The following GLDC variants were observed in gnomAD, a reference collection of about 807,000 sequenced individuals.
GLDC encodes glycine dehydrogenase (decarboxylating), mitochondrial.
Under a neutral mutation model 121.3 loss-of-function variants are expected in GLDC, and 104 were observed. That is an observed-to-expected ratio of 0.86 (90% confidence interval 0.73 to 1.01). The LOEUF is 1.01. GLDC is among the 50% of genes least tolerant of loss of function. The probability of loss-of-function intolerance (pLI) is 0.00; values close to 1 mark genes in which losing one functional copy is unlikely to be tolerated. For missense variants in GLDC, 1,429 were observed against 1,306.6 expected, an observed-to-expected ratio of 1.09 and a Z score of -1.44; for synonymous variants, 546 against 480.6, an observed-to-expected ratio of 1.14 and a Z score of -1.78.
intron 15 of GLDC, among the ~76,000 whole-genome samples, chr9:6,577,125 C>G (rs1818079890): frequency 6.6e-6 from 1 of 152,196 alleles, no homozygotes; most frequent in African/African-American, 2.4e-5. Flanking sequence ...GAGAAGACAG[C>G]GCGGAAAGGC....
intron 2 of GLDC, among the ~76,000 whole-genome samples, chr9:6,640,927 G>C (rs1309034386): frequency 1.3e-5 from 2 of 152,224 alleles, no homozygotes; most frequent in Non-Finnish European, 2.9e-5. Flanking sequence ...AGAGAAATCA[G>C]TGTTGCCAGT....
chr9:6,625,618 C>G (rs1819219001), intron 2 of GLDC, among the ~76,000 whole-genome samples: 1 of 152,164 alleles, frequency 6.6e-6, no homozygotes, highest in Non-Finnish European at 1.5e-5. Flanking sequence ...ATTACAGTCC[C>G]TCACTAGGTA....
chr9:6,540,048 T>C lies in GLDC; in HGVS notation c.2665+3A>G. ...GGCGGCATGAATGTCAAAAGCCACT[T>C]ACCATAATCCTGGAGTCTCTTGGCC... On this transcript the variant is annotated splice_donor_region_variant and intron_variant, in intron 22 of 24. Coordinates refer to ENST00000321612, the MANE Select transcript of GLDC (RefSeq NM_000170.3). 1.3e-6 allele frequency: 2 copies of C among 1,592,648 alleles called. No individual in the cohort carries two copies. The highest frequency in any genetic ancestry group is 1.1e-5 in the South Asian group (1 of 90,624).
At chr9:6,593,996 T>G (rs1818437741) in intron 9 of GLDC, among the ~76,000 whole-genome samples, 1 of 151,954 alleles carries the variant, frequency 6.6e-6, no homozygotes, top group African/African-American at 2.4e-5. Context: ...CCTGGCCTAT[T>G]TCTATTTTTT....
At position 6,588,406 on chromosome 9, in the gene GLDC, G is replaced by A; in HGVS notation, c.1702C>T (p.Leu568Phe). ...CTMKLNSSSELAPITWKEFAN... is the reference protein window; with the variant it reads ...CTMKLNSSSEFAPITWKEFAN... ...TACAGAAGTGAGCTACTTACTGCGAGTTCAGACGAACTGTTCAGTTTCATG... is the reference window on the plus strand; with the variant it reads ...TACAGAAGTGAGCTACTTACTGCGAATTCAGACGAACTGTTCAGTTTCATG... The change falls in exon 14 of 25, where the codon CTC (leucine) becomes TTC (phenylalanine). Residue 568 changes from leucine (L) to phenylalanine (F), a missense_variant. Transcript: ENST00000321612. 15 of 1,610,796 alleles carry A rather than the reference G, an allele frequency of 9.3e-6. No individual in the cohort carries two copies. Among genetic ancestry groups the A allele is most frequent in the Non-Finnish European group, 1.3e-5 (15 of 1,176,994 alleles).
At chr9:6,566,056 G>A (rs573850289) in intron 15 of GLDC, among the ~76,000 whole-genome samples, 1 of 152,298 alleles carries the variant, frequency 6.6e-6, no homozygotes, top group East Asian at 1.9e-4. Context: ...AGCCTGGGCA[G>A]CATGGCGGAA....
At chr9:6,645,196 C>T (rs758030488) in intron 1 of GLDC, 49 bp downstream of exon 1, 2 of 1,519,968 alleles carry the variant, frequency 1.3e-6, no homozygotes, top group Non-Finnish European at 1.8e-6. Flanking sequence ...CAGGCAGAGC[C>T]CGGGCAGGGC....
intron 2 of GLDC, among the ~76,000 whole-genome samples, chr9:6,625,062 C>G (rs1421748004): frequency 6.6e-6 from 1 of 151,894 alleles, no homozygotes; most frequent in Admixed American, 6.6e-5. Flanking sequence ...CATTAAGATT[C>G]TACTAGTGGA....
intron 21 of GLDC, among the ~76,000 whole-genome samples, chr9:6,549,025 G>C (rs914493133): frequency 6.6e-6 from 1 of 152,124 alleles, no homozygotes; most frequent in East Asian, 1.9e-4. Flanking sequence ...AACACCCAGC[G>C]TCTGCCTCAC....
intron 15 of GLDC, chr9:6,584,994 T>G (rs903081774): frequency 1.4e-4 from 21 of 152,204 alleles, no homozygotes; most frequent in African/African-American, 5.1e-4. Context: ...TTCTCAACCT[T>G]GGCTGCAGTT....
chr9:6,610,342 G>A lies in GLDC; in HGVS notation c.485C>T (p.Thr162Ile). The A allele has an allele frequency of 6.2e-7, 1 of 1,614,072 alleles. No homozygotes were observed. The highest frequency in any genetic ancestry group is 8.5e-7 in the Non-Finnish European group (1 of 1,179,922). The change falls in exon 4 of 25, where the codon ACT becomes ATT. Residue 162 changes from threonine to isoleucine, a missense_variant. By Grantham distance (89) the Thr-to-Ile change is moderately conservative. Coordinates refer to ENST00000321612, the MANE Select transcript of GLDC (RefSeq NM_000170.3). The stretch of plus-strand genomic sequence containing the variant: ...CTGAGACACCTCAGGCTGGTATGGA[G>A]TATACTGGGTGATCCTGCAAGGGAA... ...LENSGWITQYTPYQPEVSQGR... is the reference protein window; with the variant it reads ...LENSGWITQYIPYQPEVSQGR...
At chr9:6,594,558 T>C (rs1818450182) in intron 9 of GLDC, among the ~76,000 whole-genome samples, 1 of 152,038 alleles carries the variant, frequency 6.6e-6, no homozygotes, top group Non-Finnish European at 1.5e-5. Context: ...TAGCCAGACA[T>C]GGTGGCGTGT....
intron 11 of GLDC, 119 bp downstream of exon 11, chr9:6,592,024 T>C (rs182942234): frequency 8.0e-5 from 59 of 734,940 alleles, no homozygotes; most frequent in Non-Finnish European, 1.3e-4. Context: ...GGAATAATTT[T>C]AACAACAAGC....
intron 21 of GLDC, among the ~76,000 whole-genome samples, chr9:6,550,575 C>G (rs1422460422): frequency 6.6e-6 from 1 of 152,150 alleles, no homozygotes; most frequent in Non-Finnish European, 1.5e-5. Flanking sequence ...TGCAGTGAGA[C>G]AAGATCCTGC....
In GLDC at chr9:6,565,428, C is replaced by G; in HGVS notation, c.1852G>C (p.Gly618Arg). Reference protein sequence around the residue: ...YDQVCFQPNSGAQGEYAGLAT... With the variant: ...YDQVCFQPNSRAQGEYAGLAT... ...AGTCCAGCATATTCTCCCTGGGCTC[C>G]GCTTGCAAAGACAAGAAGAAAGGGA... The change falls in exon 16 of 25, where the codon GGA (glycine) becomes CGA (arginine). Residue 618 changes from glycine (G) to arginine (R), a missense_variant and splice_region_variant. By Grantham distance (125) the Gly-to-Arg change is moderately radical (BLOSUM62 -2). Transcript: ENST00000321612. 6.2e-7 allele frequency: 1 copy of G among 1,612,302 alleles called. No homozygotes were observed. The highest frequency in any genetic ancestry group is 1.1e-5 in the South Asian group (1 of 91,034).
chr9:6,624,714 C>G lies in GLDC; in HGVS notation c.335-4395G>C, dbSNP rs116437759. On this transcript the variant is annotated intron_variant, in intron 2 of 24. Coordinates refer to ENST00000321612, the MANE Select transcript of GLDC (RefSeq NM_000170.3). ...AAAAAAGGCTCAGGTTGGTGGGGCA[C>G]GGTGGCTTACACCTGTAATCCCAGC... 2.9e-3 allele frequency among the ~76,000 whole-genome samples: 436 copies of G among 152,204 alleles called. 2 individuals carry two copies. The highest frequency in any genetic ancestry group is 0.01 in the African/African-American group (418 of 41,528).
At chr9:6,576,927 G>A (rs62568994) in intron 15 of GLDC, among the ~76,000 whole-genome samples, 27,992 of 152,152 alleles carry the variant, frequency 0.18, 3,365 homozygotes, top group Middle Eastern at 0.27. Context: ...TTGGTAGGAA[G>A]CCACATAACA....
At chr9:6,536,872 AAAG>A (rs1302033671) in intron 22 of GLDC, among the ~76,000 whole-genome samples, 3 of 152,352 alleles carry the variant, frequency 2.0e-5, no homozygotes, top group Admixed American at 2.0e-4. Flanking sequence ...CAGTATGTGG[AAAG>A]CCTTTGCCTT....
At chr9:6,598,012 T>C (rs1451086301) in intron 8 of GLDC, among the ~76,000 whole-genome samples, 12 of 152,326 alleles carry the variant, frequency 7.9e-5, no homozygotes, top group Admixed American at 7.2e-4. Flanking sequence ...CACAAATTTA[T>C]AGAAAAAATT....
Sources: gnomAD v4.1 joint callset for allele counts (sites outside exome capture counted in the v4.1 genomes callset) on GRCh38, gnomAD v4.1.1 for gene constraint, MANE v1.5 for transcripts, NCBI Gene and HGNC (gene_info 2026-07-23, HGNC 2026-07-21) for gene names.